The following RDH12 variants were observed in gnomAD, a reference collection of about 807,000 sequenced individuals.
RDH12 encodes the protein retinol dehydrogenase 12.
Under a neutral mutation model 34.0 loss-of-function variants are expected in RDH12, and 21 were observed. That is an observed-to-expected ratio of 0.62 (90% CI 0.44 to 0.89). The LOEUF (loss-of-function observed/expected upper bound fraction) is 0.89, where lower values mean the gene tolerates loss of function less well. RDH12 is among the 40% of genes least tolerant of loss of function. The pLI is 0.00. For synonymous variants in RDH12, 198 were observed against 169.9 expected (o/e 1.17, Z -1.29); for missense variants, 394 against 398.6 (o/e 0.99, Z 0.10).
intron 1 of RDH12, among the ~76,000 whole-genome samples, chr14:67,720,411 A>G (rs2038111450): frequency 6.6e-6 from 1 of 152,190 alleles, no homozygotes; most frequent in Non-Finnish European, 1.5e-5. Context: ...GTCTTACTAG[A>G]AAGGTCTTAC....
At chr14:67,722,236 A>G (rs1300046342) in intron 2 of RDH12, among the ~76,000 whole-genome samples, 188 bp from the exon 3 acceptor site, 2 of 152,166 alleles carry the variant, frequency 1.3e-5, no homozygotes, top group African/African-American at 4.8e-5. Context: ...TTTGTGGCTA[A>G]AGTTAGAAAT....
chr14:67,727,467 A>C, intron 7 of RDH12: 1 of 371,238 alleles, frequency 2.7e-6, no homozygotes, highest in East Asian at 6.4e-5. Flanking sequence ...CAACAGACAG[A>C]GGCTTTTTGT....
chr14:67,730,611 AT>A (rs1170154652), intron 8 of RDH12, among the ~76,000 whole-genome samples: 5 of 151,230 alleles, frequency 3.3e-5, no homozygotes, highest in African/African-American at 7.3e-5. Context: ...GATCCCAAGC[AT>A]TTTTTTTTGA....
intron 1 of RDH12, among the ~76,000 whole-genome samples, chr14:67,715,497 C>A (rs569633903): frequency 6.6e-6 from 1 of 152,218 alleles, no homozygotes; most frequent in Non-Finnish European, 1.5e-5. Flanking sequence ...CAGCTTTGCC[C>A]CCTGCCATCC....
At chr14:67,727,535 T>G (rs977024930) in intron 7 of RDH12, 1 of 326,088 alleles carries the variant, frequency 3.1e-6, no homozygotes. Context: ...CAGGCTGGAG[T>G]GCAGTAGTGC....
rs888092451 is a variant in RDH12 at position 67,722,487 on chromosome 14, G to T, written c.-156G>T. 16 of 765,254 alleles carry T rather than the reference G, an allele frequency of 2.1e-5. No individual in the cohort carries two copies. The African/African-American group carries it at 2.6e-4, about 12-fold the overall frequency. The allele number at this position is 765,254 out of a possible 1,614,324, so 47.4% of individuals were successfully genotyped here. On this transcript the variant is annotated 5_prime_UTR_variant, in exon 3 of 9. Coordinates refer to ENST00000551171, the MANE Select transcript of RDH12 (RefSeq NM_152443.3). The stretch of plus-strand genomic sequence containing the variant: ...GGATTTAAATAGGATTCTGGGCTCT[G>T]CTCAGAGTCAGGCTGCTGCTCAGCA...
At chr14:67,724,666 G>T (rs945609188) in intron 4 of RDH12, 75 bp downstream of exon 4, 3 of 1,146,190 alleles carry the variant, frequency 2.6e-6, no homozygotes, top group East Asian at 2.4e-5. Flanking sequence ...TGTCCATATT[G>T]CTTTGTGTTT....
intron 1 of RDH12, among the ~76,000 whole-genome samples, chr14:67,702,987 A>G (rs2037915255): frequency 6.8e-6 from 1 of 146,760 alleles, no homozygotes; most frequent in South Asian, 2.1e-4. Flanking sequence ...CTAACTTAAA[A>G]AAGTTTTTTT....
In RDH12 at chr14:67,725,183, A is replaced by G; in HGVS notation, c.272A>G (p.Gln91Arg). Residue 91 changes from glutamine (Q) to arginine (R), a missense_variant, in exon 5 of 9, where the codon CAG becomes CGG. Gln to Arg is a conservative substitution (Grantham distance 43, BLOSUM62 1). Transcript: ENST00000551171. ...SEIRVDTKNSQVLVRKLDLSD... is the reference protein window; with the variant it reads ...SEIRVDTKNSRVLVRKLDLSD... ...ATCCGAGTGGATACAAAGAACTCCC[A>G]GGTGCTGGTGCGGAAATTGGACCTA... 2 of 1,614,218 alleles carry G rather than the reference A, an allele frequency of 1.2e-6. No individual in the cohort carries two copies. Among genetic ancestry groups the G allele is most frequent in the Non-Finnish European group, 1.7e-6 (2 of 1,180,036 alleles).
chr14:67,707,510 C>G (rs1254146460), intron 1 of RDH12, among the ~76,000 whole-genome samples: 7 of 152,170 alleles, frequency 4.6e-5, no homozygotes, highest in Non-Finnish European at 7.4e-5. Context: ...CTCACTGCAA[C>G]CTCCACCTCC....
At position 67,722,502 on chromosome 14, in the gene RDH12, GCT is replaced by G; in HGVS notation, c.-140_-139del. 1.3e-6 allele frequency: 1 copy of G among 788,108 alleles called. No individual in the cohort carries two copies. The highest frequency in any genetic ancestry group is 2.3e-6 in the Non-Finnish European group (1 of 429,756). 48.8% of individuals were successfully genotyped at this position (788,108 alleles called of 1,614,324 possible). A position where few individuals can be genotyped will look rare whatever the true frequency, so the allele number is the denominator to read the frequency against. On this transcript the variant is annotated 5_prime_UTR_variant, in exon 3 of 9. Transcript: ENST00000551171. ...TCTGGGCTCTGCTCAGAGTCAGGCT[GCT>G]GCTCAGCACCCAGGACGGAGAGGAG...
rs1253768376 is a variant in RDH12, at chr14:67,710,051, A to G, written c.-275+8116A>G. Among the ~76,000 whole-genome samples the G allele has an allele frequency of 3.3e-5, 5 of 152,152 alleles. No homozygotes were observed. In the East Asian group the frequency reaches 9.6e-4, roughly 29 times the overall value. ...TTTGTGACCTGGAAGCTCCCTCCCCACTTAGAGTCTTCCTGCCTTTGTTTT... is the reference window on the plus strand; with the variant it reads ...TTTGTGACCTGGAAGCTCCCTCCCCGCTTAGAGTCTTCCTGCCTTTGTTTT... On this transcript the variant is annotated intron_variant, in intron 1 of 8. Coordinates refer to ENST00000551171, the MANE Select transcript of RDH12 (RefSeq NM_152443.3).
At chr14:67,703,751 T>C (rs1377076682) in intron 1 of RDH12, among the ~76,000 whole-genome samples, 1 of 152,058 alleles carries the variant, frequency 6.6e-6, no homozygotes, top group Non-Finnish European at 1.5e-5. Context: ...TCACAGCTCA[T>C]TGCAACCTCT....
At chr14:67,713,685 C>G (rs2038036403) in intron 1 of RDH12, among the ~76,000 whole-genome samples, 1 of 152,094 alleles carries the variant, frequency 6.6e-6, no homozygotes, top group African/African-American at 2.4e-5. Context: ...TTTATTTTGC[C>G]AAGGTTGAGG....
intron 1 of RDH12, among the ~76,000 whole-genome samples, chr14:67,705,656 T>C (rs2037943045): frequency 6.6e-6 from 1 of 152,184 alleles, no homozygotes; most frequent in South Asian, 2.1e-4. Flanking sequence ...AATTTCCTGG[T>C]TTTGATCATT....
chr14:67,718,810 T>G (rs1156957587), intron 1 of RDH12, among the ~76,000 whole-genome samples: 1 of 152,216 alleles, frequency 6.6e-6, no homozygotes, highest in Admixed American at 6.5e-5. Context: ...ATGGCTTTGC[T>G]TATGTGCCAA....
chr14:67,732,598 C>T (rs1041368416), intron 8 of RDH12, among the ~76,000 whole-genome samples: 35 of 149,524 alleles, frequency 2.3e-4, no homozygotes, highest in African/African-American at 6.1e-4. Context: ...TTTTTTGAGA[C>T]GGAGTTTCGG....
At chr14:67,709,201 A>G (rs1236992316) in intron 1 of RDH12, among the ~76,000 whole-genome samples, 1 of 152,252 alleles carries the variant, frequency 6.6e-6, no homozygotes, top group Admixed American at 6.5e-5. Context: ...CACAAAATAG[A>G]ATTAATAGGT....
At chr14:67,711,988 A>G (rs770579093) in intron 1 of RDH12, among the ~76,000 whole-genome samples, 14 of 152,028 alleles carry the variant, frequency 9.2e-5, no homozygotes, top group Non-Finnish European at 1.9e-4. Context: ...GGTGCGATCT[A>G]GGCTCACTGC....
Sources: gnomAD v4.1 joint callset for allele counts (sites outside exome capture counted in the v4.1 genomes callset) on GRCh38, gnomAD v4.1.1 for gene constraint, MANE v1.5 for transcripts, NCBI Gene and HGNC (gene_info 2026-07-23, HGNC 2026-07-21) for gene names.